EPB41L5: variants seen among roughly 807,000 people sequenced by gnomAD.
EPB41L5 encodes the protein erythrocyte membrane protein band 4.1 like 5, also known as band 4.1-like protein 5.
A neutral mutation model predicts 106.6 loss-of-function variants in EPB41L5; 55 were observed. The ratio of observed to expected loss-of-function variants is 0.52; its 90% CI spans 0.42 to 0.65. The LOEUF (loss-of-function observed/expected upper bound fraction) is 0.65, where lower values mean the gene tolerates loss of function less well. Ranked by LOEUF, EPB41L5 falls within the 30% of genes least tolerant of loss-of-function variation. EPB41L5 has a pLI of 0.00. For missense variants in EPB41L5, 871 were observed against 882.1 expected (o/e 0.99, Z 0.16); for synonymous variants, 297 against 306.7 (o/e 0.97, Z 0.33).
chr2:120,035,133 A>G (rs1678960193), intron 2 of EPB41L5, among the ~76,000 whole-genome samples: 1 of 151,930 alleles, frequency 6.6e-6, no homozygotes, highest in Non-Finnish European at 1.5e-5. Flanking sequence ...CTTTTTTCAA[A>G]TCTCCCTTAT....
At chr2:120,115,175 G>A (rs1684891449) in intron 16 of EPB41L5, among the ~76,000 whole-genome samples, 1 of 152,150 alleles carries the variant, frequency 6.6e-6, no homozygotes, top group South Asian at 2.1e-4. Flanking sequence ...CTTCTAGACA[G>A]CATACAGTTG....
chr2:120,071,517 G>A (rs1681866594), intron 3 of EPB41L5, among the ~76,000 whole-genome samples: 1 of 152,178 alleles, frequency 6.6e-6, no homozygotes, highest in South Asian at 2.1e-4. Context: ...CACGCTACCT[G>A]ACTTCAAACT....
At position 120,019,405 on chromosome 2, in the gene EPB41L5, C is replaced by G. The variant is rs1252634356; in HGVS notation, c.180+141C>G. ...AGTATAGATCAGGCACTGTAACATT[C>G]AGGTACATGGATCAGATAACCGTAG... On this transcript the variant is annotated intron_variant, in intron 2 of 24. Transcript: ENST00000263713. 9.0e-5 allele frequency: 61 copies of G among 675,616 alleles called. 1 individual carries two copies. The East Asian group carries it at 1.7e-3, about 19-fold the overall frequency. 41.9% of individuals were successfully genotyped at this position (675,616 alleles called of 1,614,324 possible). A position where few individuals can be genotyped will look rare whatever the true frequency, so the allele number is the denominator to read the frequency against.
At chr2:120,105,667 G>C (rs892254471) in intron 16 of EPB41L5, 1 of 985,378 alleles carries the variant, frequency 1.0e-6, no homozygotes, top group Non-Finnish European at 1.2e-6. Context: ...AATATAAATA[G>C]ATCTGTATCT....
intron 7 of EPB41L5, among the ~76,000 whole-genome samples, chr2:120,076,176 C>T (rs976135962): frequency 1.3e-5 from 2 of 152,174 alleles, no homozygotes; most frequent in South Asian, 2.1e-4. Flanking sequence ...TTTTTCCCTG[C>T]TGCTTTCTCC....
intron 3 of EPB41L5, among the ~76,000 whole-genome samples, chr2:120,067,977 A>G (rs570053342): frequency 2.6e-5 from 4 of 152,340 alleles, no homozygotes; most frequent in African/African-American, 9.6e-5. Flanking sequence ...AAGAAGTCAC[A>G]TGATGGCTGG....
At chr2:120,042,944 A>G (rs1035430642) in intron 3 of EPB41L5, among the ~76,000 whole-genome samples, 1 of 151,882 alleles carries the variant, frequency 6.6e-6, no homozygotes, top group Non-Finnish European at 1.5e-5. Context: ...AGGCAGAGGA[A>G]GAGACCACAG....
chr2:120,050,322 T>C (rs1015396516), intron 3 of EPB41L5, among the ~76,000 whole-genome samples: 1 of 152,218 alleles, frequency 6.6e-6, no homozygotes, highest in African/African-American at 2.4e-5. Context: ...AGATTTGGTC[T>C]TTTCATGTAG....
intron 3 of EPB41L5, among the ~76,000 whole-genome samples, chr2:120,069,680 A>G (rs1681721819): frequency 6.6e-6 from 1 of 152,238 alleles, no homozygotes; most frequent in African/African-American, 2.4e-5. Flanking sequence ...GAATAGCACA[A>G]CTACATGGGA....
At chr2:120,094,983 T>G (rs1045698055) in intron 14 of EPB41L5, among the ~76,000 whole-genome samples, 3 of 152,062 alleles carry the variant, frequency 2.0e-5, no homozygotes, top group Non-Finnish European at 4.4e-5. Context: ...CCCAGGAAAA[T>G]AGTTTATGTG....
chr2:120,129,092 G>A (rs887632196), intron 17 of EPB41L5, among the ~76,000 whole-genome samples: 5 of 152,136 alleles, frequency 3.3e-5, no homozygotes, highest in African/African-American at 1.2e-4. Context: ...TTCACTTTCT[G>A]GGAGATGAGA....
intron 14 of EPB41L5, among the ~76,000 whole-genome samples, chr2:120,095,401 G>A (rs1458249690): frequency 6.6e-6 from 1 of 151,562 alleles, no homozygotes. Flanking sequence ...TATTCTTTAT[G>A]CTGTCTTTCT....
In EPB41L5 at chr2:120,176,522, G is replaced by A. The variant is rs6706062; in HGVS notation, c.*1615G>A. 1 of 152,114 alleles carries A rather than the reference G, an allele frequency of 6.6e-6. No homozygotes were observed. The highest frequency in any genetic ancestry group is 3.2e-3 in the Middle Eastern group (1 of 316). 9.4% of individuals were successfully genotyped at this position (152,114 alleles called of 1,614,324 possible). On this transcript the variant is annotated 3_prime_UTR_variant, in exon 25 of 25. Coordinates refer to ENST00000263713, the MANE Select transcript of EPB41L5 (RefSeq NM_020909.4). ...GGGAGCTGTAGTGATTGGAACCCACGTTTGCACAAAACATTTTTGCAGAAG... is the reference window on the plus strand; with the variant it reads ...GGGAGCTGTAGTGATTGGAACCCACATTTGCACAAAACATTTTTGCAGAAG...
chr2:120,105,030 T>C lies in EPB41L5; in HGVS notation c.1337+4216T>C, dbSNP rs1019445587. 73 of 984,516 alleles carry C rather than the reference T, an allele frequency of 7.4e-5. 1 individual carries two copies. In the African/African-American group the frequency reaches 9.1e-4, roughly 12 times the overall value. 61.0% of individuals were successfully genotyped at this position (984,516 alleles called of 1,614,324 possible). A position where few individuals can be genotyped will look rare whatever the true frequency, so the allele number is the denominator to read the frequency against. ...TGACTGGCTTTTCTCTTTCATCTCA[T>C]ACACCTGACAGATTACCCAGGTTTG... On this transcript the variant is annotated intron_variant, in intron 16 of 24. Transcript: ENST00000263713.
At chr2:120,020,919 G>A (rs1472583623) in intron 2 of EPB41L5, among the ~76,000 whole-genome samples, 3 of 152,130 alleles carry the variant, frequency 2.0e-5, no homozygotes, top group African/African-American at 7.2e-5. Context: ...GATCTGGAAT[G>A]GTTTCCTAAA....
intron 14 of EPB41L5, among the ~76,000 whole-genome samples, chr2:120,095,844 A>AT (rs1477957847): frequency 6.6e-6 from 1 of 151,764 alleles, no homozygotes; most frequent in African/African-American, 2.4e-5. Flanking sequence ...AATTTTTTGG[A>AT]TTTTTAGTAG....
chr2:120,173,369 C>T (rs1687773071), intron 24 of EPB41L5, among the ~76,000 whole-genome samples: 1 of 152,074 alleles, frequency 6.6e-6, no homozygotes, highest in Non-Finnish European at 1.5e-5. Flanking sequence ...TTTGGGGGGT[C>T]GTGAGGCAGA....
At chr2:120,043,013 G>GTA (rs1205781172) in intron 3 of EPB41L5, among the ~76,000 whole-genome samples, 1 of 148,878 alleles carries the variant, frequency 6.7e-6, no homozygotes, top group African/African-American at 2.5e-5. Context: ...GTGTGTGTGT[G>GTA]TGTGTGTGTG....
chr2:120,119,029 TC>T (rs1464000331), intron 16 of EPB41L5, among the ~76,000 whole-genome samples: 1 of 152,216 alleles, frequency 6.6e-6, no homozygotes, highest in Non-Finnish European at 1.5e-5. Flanking sequence ...ATAGCCTTTC[TC>T]CATGGTGTGA....
Sources: allele counts gnomAD v4.1 joint callset (sites outside exome capture counted in the v4.1 genomes callset), GRCh38; gene constraint gnomAD v4.1.1; transcripts MANE v1.5; gene names NCBI Gene and HGNC (gene_info 2026-07-23, HGNC 2026-07-21).